SYN3: variants seen among roughly 807,000 people sequenced by gnomAD.
SYN3 encodes synapsin-3.
SYN3 carries 35 observed loss-of-function variants against 65.8 expected under a neutral mutation model. That is an observed-to-expected ratio of 0.53 (90% CI 0.41 to 0.70). The LOEUF (loss-of-function observed/expected upper bound fraction) is 0.70, where lower values mean the gene tolerates loss of function less well. Among genes scored for constraint, SYN3 ranks in the 30% least tolerant of loss-of-function variants. The pLI, the probability that SYN3 is intolerant of heterozygous loss-of-function variation, is 0.00. For synonymous variants in SYN3, 270 were observed against 292.9 expected, an observed-to-expected ratio of 0.92 and a Z score of 0.80; for missense variants, 680 against 749.0, an observed-to-expected ratio of 0.91 and a Z score of 1.08.
chr22:32,542,180 G>T (rs2058266655), intron 7 of SYN3, among the ~76,000 whole-genome samples: 1 of 152,148 alleles, frequency 6.6e-6, no homozygotes, highest in Non-Finnish European at 1.5e-5. Context: ...AGAGGGAGTG[G>T]AGTTTAAATA....
intron 6 of SYN3, among the ~76,000 whole-genome samples, chr22:32,701,520 T>TA (rs1394023922): frequency 6.6e-6 from 1 of 152,150 alleles, no homozygotes; most frequent in East Asian, 1.9e-4. Flanking sequence ...AAGCTGCTAT[T>TA]AAGTCTTACA....
At position 32,548,615 on chromosome 22, in the gene SYN3, G is replaced by A. The variant is rs1358236744; in HGVS notation, c.775-6902C>T. Among the ~76,000 whole-genome samples the A allele has an allele frequency of 5.9e-5, 9 of 152,120 alleles. No homozygotes were observed. In the East Asian group the frequency reaches 7.8e-4, roughly 13 times the overall value. ...TCTCAATCTCCTGATCTTGTGATCC[G>A]CCCGCCTCGGCCTCCCAAAGTGCTG... On this transcript the variant is annotated intron_variant, in intron 7 of 13. Transcript: ENST00000358763.
intron 1 of SYN3, among the ~76,000 whole-genome samples, chr22:33,051,227 G>A (rs5994662): frequency 0.011 from 1,618 of 152,228 alleles, 29 homozygotes; most frequent in African/African-American, 0.036. Context: ...CCCTTTGTAG[G>A]CCTCATTCTC....
intron 6 of SYN3, among the ~76,000 whole-genome samples, chr22:32,611,284 G>GTTTTTTTTTTTT (rs1201383074): frequency 2.4e-4 from 23 of 94,526 alleles, no homozygotes; most frequent in East Asian, 8.7e-4. Flanking sequence ...TTTTTTTTTT[G>GTTTTTTTTTTTT]TTTTTTTTTT....
At chr22:32,635,638 C>T (rs996499889) in intron 6 of SYN3, among the ~76,000 whole-genome samples, 2 of 152,118 alleles carry the variant, frequency 1.3e-5, no homozygotes, top group Non-Finnish European at 2.9e-5. Flanking sequence ...GCTTAGTACT[C>T]GTTGTAGTGC....
chr22:33,023,810 T>C (rs1001051975), intron 1 of SYN3, among the ~76,000 whole-genome samples: 1 of 152,236 alleles, frequency 6.6e-6, no homozygotes, highest in Non-Finnish European at 1.5e-5. Context: ...CTGTGATTGT[T>C]GCTCCAGATG....
intron 6 of SYN3, among the ~76,000 whole-genome samples, chr22:32,781,870 T>C (rs1253438931): frequency 6.6e-6 from 1 of 151,938 alleles, no homozygotes; most frequent in Non-Finnish European, 1.5e-5. Flanking sequence ...CCTCCTCCTT[T>C]TTCATTCTCT....
chr22:32,603,086 G>A (rs916053755), intron 6 of SYN3, among the ~76,000 whole-genome samples: 2 of 151,714 alleles, frequency 1.3e-5, no homozygotes, highest in Admixed American at 1.3e-4. Flanking sequence ...CATTGCATAC[G>A]GGGTGAATCA....
rs1262743592 is a variant in SYN3, at chr22:32,838,088, T to G, written c.711+26827A>C. Among the ~76,000 whole-genome samples the G allele has an allele frequency of 2.0e-5, 3 of 152,208 alleles. No individual in the cohort carries two copies. The East Asian group carries it at 5.8e-4, about 29-fold the overall frequency. On this transcript the variant is annotated intron_variant, in intron 6 of 13. Coordinates refer to ENST00000358763, the MANE Select transcript of SYN3 (RefSeq NM_003490.4). ...CCTGGACTATAACTCCCTGTCTTCT[T>G]GTCTCACAAGAGTAAAATAAGCTTC...
chr22:32,810,427 G>C (rs925875069), intron 6 of SYN3, among the ~76,000 whole-genome samples: 1 of 151,952 alleles, frequency 6.6e-6, no homozygotes, highest in African/African-American at 2.4e-5. Context: ...CTGGCTTTTT[G>C]TGGGGGTGGG....
At chr22:32,587,427 GC>G (rs1301821175) in intron 7 of SYN3, among the ~76,000 whole-genome samples, 1 of 152,054 alleles carries the variant, frequency 6.6e-6, no homozygotes, top group Non-Finnish European at 1.5e-5. Context: ...GTGGGTGGGT[GC>G]CTCTTCTCTG....
chr22:33,040,253 A>ATG (rs2053939496), intron 1 of SYN3, among the ~76,000 whole-genome samples: 1 of 151,950 alleles, frequency 6.6e-6, no homozygotes, highest in Admixed American at 6.6e-5. Context: ...CCTCAGCCTG[A>ATG]TTATACACTT....
chr22:32,553,124 C>T (rs2058440886), intron 7 of SYN3, among the ~76,000 whole-genome samples: 1 of 152,122 alleles, frequency 6.6e-6, no homozygotes, highest in Non-Finnish European at 1.5e-5. Flanking sequence ...CCATCGTGAC[C>T]TCATCTAAAC....
intron 9 of SYN3, among the ~76,000 whole-genome samples, chr22:32,535,849 G>C (rs2058156837): frequency 6.6e-6 from 1 of 151,998 alleles, no homozygotes; most frequent in Non-Finnish European, 1.5e-5. Context: ...CATTGGTTTT[G>C]CCCAGGAGTC....
chr22:32,889,546 A>C (rs899158524), intron 4 of SYN3, among the ~76,000 whole-genome samples: 12 of 152,268 alleles, frequency 7.9e-5, no homozygotes, highest in African/African-American at 2.9e-4. Flanking sequence ...CAGTAGTCCC[A>C]GGATGTAAAG....
chr22:32,838,908 T>G (rs1271895538), intron 6 of SYN3, among the ~76,000 whole-genome samples: 2 of 151,716 alleles, frequency 1.3e-5, no homozygotes, highest in African/African-American at 4.8e-5. Flanking sequence ...TTAGCGATGC[T>G]AGTGAGTGTC....
In SYN3 at chr22:32,650,273, C is replaced by CTTTTTTTTT. The variant is rs1569124853; in HGVS notation, c.712-53538_712-53537insAAAAAAAAA. On this transcript the variant is annotated intron_variant, in intron 6 of 13. Transcript: ENST00000358763. ...TCCCTCCCTCCCTCTCTCTCTCTCT[C>CTTTTTTTTT]TCTTTCTTTTTGAGACAGAGTCTCA... is the stretch of plus-strand genomic sequence containing the variant. Among the ~76,000 whole-genome samples, 15 of 114,962 alleles carry CTTTTTTTTT rather than the reference C, an allele frequency of 1.3e-4. 2 individuals are homozygous for CTTTTTTTTT. The highest frequency in any genetic ancestry group is 5.5e-4 in the African/African-American group (15 of 27,248). 75.4% of individuals were successfully genotyped at this position (114,962 alleles called of 152,430 possible). A position where few individuals can be genotyped will look rare whatever the true frequency, so the allele number is the denominator to read the frequency against.
chr22:32,923,785 T>C (rs2050396868), intron 4 of SYN3, among the ~76,000 whole-genome samples: 1 of 152,198 alleles, frequency 6.6e-6, no homozygotes, highest in Non-Finnish European at 1.5e-5. Flanking sequence ...GATTATTTTG[T>C]CACCCAGATA....
chr22:32,849,398 C>G (rs2048156263), intron 6 of SYN3: 6 of 1,536,684 alleles, frequency 3.9e-6, no homozygotes, highest in Non-Finnish European at 4.5e-6. Flanking sequence ...AGATGCTGTT[C>G]CTGATGTGGT....
Sources: allele counts gnomAD v4.1 joint callset (sites outside exome capture counted in the v4.1 genomes callset), GRCh38; gene constraint gnomAD v4.1.1; transcripts MANE v1.5; gene names NCBI Gene and HGNC (gene_info 2026-07-23, HGNC 2026-07-21).